ZBTB43: variants seen among roughly 807,000 people sequenced by gnomAD.
ZBTB43 encodes the protein zinc finger and BTB domain-containing protein 43.
Under a neutral mutation model 31.1 loss-of-function variants are expected in ZBTB43, and 6 were observed. That is an observed-to-expected ratio of 0.19 (90% CI 0.11 to 0.38). ZBTB43 has a LOEUF of 0.38. Ranked by LOEUF, ZBTB43 falls within the 10% of genes least tolerant of loss-of-function variation. ZBTB43 has a pLI of 1.00. For missense variants in ZBTB43, 379 were observed against 602.1 expected, an observed-to-expected ratio of 0.63 and a Z score of 3.88; for synonymous variants, 212 against 221.7, an observed-to-expected ratio of 0.96 and a Z score of 0.39.
intron 2 of ZBTB43, among the ~76,000 whole-genome samples, chr9:126,823,883 C>T (rs1277258926): frequency 6.6e-6 from 1 of 152,156 alleles, no homozygotes; most frequent in Non-Finnish European, 1.5e-5. Flanking sequence ...TCTCCTGTCC[C>T]TTCACCTTCA....
At chr9:126,829,554 A>G (rs1305480710) in intron 2 of ZBTB43, among the ~76,000 whole-genome samples, 2 of 152,178 alleles carry the variant, frequency 1.3e-5, no homozygotes, top group Non-Finnish European at 2.9e-5. Flanking sequence ...AAATGTAGGT[A>G]ATGAACCCAG....
chr9:126,817,387 A>G (rs1012127594), intron 2 of ZBTB43, among the ~76,000 whole-genome samples: 1 of 151,938 alleles, frequency 6.6e-6, no homozygotes, highest in African/African-American at 2.4e-5. Flanking sequence ...CTGGGATTAC[A>G]GGCATGAGCC....
chr9:126,809,391 C>T (rs1238326706), intron 2 of ZBTB43, among the ~76,000 whole-genome samples: 1 of 152,092 alleles, frequency 6.6e-6, no homozygotes, highest in African/African-American at 2.4e-5. Context: ...TACATTTGTG[C>T]CAGGCTTTAA....
At chr9:126,825,082 C>T (rs917495290) in intron 2 of ZBTB43, among the ~76,000 whole-genome samples, 1 of 151,898 alleles carries the variant, frequency 6.6e-6, no homozygotes, top group Admixed American at 6.6e-5. Context: ...ATAGCTGGGA[C>T]TATAGATGCA....
At chr9:126,804,410 G>A (rs1417557168), upstream of ZBTB43, among the ~76,000 whole-genome samples, 1 of 152,226 alleles carries the variant, frequency 6.6e-6, no homozygotes, top group African/African-American at 2.4e-5. Context: ...ATCTCCGCCA[G>A]GCATACTGAG....
At position 126,828,654 on chromosome 9, in the gene ZBTB43, A is replaced by AATTATTATT. The variant is rs59664603; in HGVS notation, c.-23-3817_-23-3809dup. Among the ~76,000 whole-genome samples the AATTATTATT allele has an allele frequency of 2.6e-4, 33 of 127,726 alleles. 2 individuals are homozygous for AATTATTATT. The highest frequency in any genetic ancestry group is 3.1e-4 in the African/African-American group (10 of 31,904). The allele number at this position is 127,726 out of a possible 152,430, so 83.8% of individuals were successfully genotyped here. A position where few individuals can be genotyped will look rare whatever the true frequency, so the allele number is the denominator to read the frequency against. On this transcript the variant is annotated intron_variant, in intron 2 of 2. Transcript: ENST00000373464. The stretch of plus-strand genomic sequence containing the variant: ...AAATAATAATAATAATAATAATAAT[A>AATTATTATT]ATTATTATTATTATTATTATTATTT...
Position 126,835,537 on chromosome 9 carries a change from C to CT in ZBTB43, c.*1625dup, listed in dbSNP as rs2032860709. ...TAATAGACATTGCTGGCAATGGCCTCTGATTCTCAAGCTCCTAACACCAGG... is the reference window on the plus strand; with the variant it reads ...TAATAGACATTGCTGGCAATGGCCTCTTGATTCTCAAGCTCCTAACACCAGG... On this transcript the variant is annotated 3_prime_UTR_variant, in exon 3 of 3. Coordinates refer to ENST00000373464, the MANE Select transcript of ZBTB43 (RefSeq NM_014007.4). 1 of 166,974 alleles carries CT rather than the reference C, an allele frequency of 6.0e-6. No individual in the cohort carries two copies. The highest frequency in any genetic ancestry group is 1.5e-5 in the Non-Finnish European group (1 of 68,116). The allele number at this position is 166,974 out of a possible 1,614,324, so 10.3% of individuals were successfully genotyped here.
intron 2 of ZBTB43, among the ~76,000 whole-genome samples, chr9:126,811,712 G>A (rs569379488): frequency 2.6e-4 from 39 of 152,138 alleles, no homozygotes; most frequent in Admixed American, 5.2e-4. Context: ...TGCAGCCTCC[G>A]CCTCCTGGGT....
At position 126,835,418 on chromosome 9, in the gene ZBTB43, C is replaced by T; in HGVS notation, c.*1505C>T. ...TTCCACAATCGTACTGGGTTATTTA[C>T]TTCTAAATAGAAACTTTTTTTTCTT... On this transcript the variant is annotated 3_prime_UTR_variant, in exon 3 of 3. Transcript: ENST00000373464. 6.0e-6 allele frequency: 1 copy of T among 166,956 alleles called. No homozygotes were observed. The allele number at this position is 166,956 out of a possible 1,614,324, so 10.3% of individuals were successfully genotyped here.
At chr9:126,810,069 T>C (rs950311182) in intron 2 of ZBTB43, among the ~76,000 whole-genome samples, 1 of 152,132 alleles carries the variant, frequency 6.6e-6, no homozygotes, top group Non-Finnish European at 1.5e-5. Flanking sequence ...ACTCCTGACC[T>C]TGTGATCCAC....
At chr9:126,816,939 A>C (rs148430246) in intron 2 of ZBTB43, among the ~76,000 whole-genome samples, 1 of 151,752 alleles carries the variant, frequency 6.6e-6, no homozygotes, top group African/African-American at 2.4e-5. Context: ...AATACCACCC[A>C]CCTCTGAGTT....
rs1564201122 is a variant in ZBTB43 at position 126,815,329 on chromosome 9, ACTATATATATAGTTTTCAATATAT to A, written c.-24+6415_-24+6438del. ...ATATATATAGTTTTCAATATATAAA[ACTATATATATAGTTTTCAATATAT>A]AAAAATATATATATATATATAGTTT... is the stretch of plus-strand genomic sequence containing the variant. On this transcript the variant is annotated intron_variant, in intron 2 of 2. Coordinates refer to ENST00000373464, the MANE Select transcript of ZBTB43 (RefSeq NM_014007.4). 2.7e-3 allele frequency among the ~76,000 whole-genome samples: 386 copies of A among 143,774 alleles called. 6 individuals carry two copies. Among genetic ancestry groups the A allele is most frequent in the African/African-American group, 9.0e-3 (358 of 39,596 alleles). 94.3% of individuals were successfully genotyped at this position (143,774 alleles called of 152,430 possible).
chr9:126,813,498 G>A (rs2119118687), intron 2 of ZBTB43, among the ~76,000 whole-genome samples: 1 of 152,206 alleles, frequency 6.6e-6, no homozygotes, highest in Middle Eastern at 3.4e-3. Flanking sequence ...CTCATAGAAG[G>A]AAGCACAAGT....
chr9:126,826,488 G>T (rs1311045337), intron 2 of ZBTB43, among the ~76,000 whole-genome samples: 1 of 71,486 alleles, frequency 1.4e-5, no homozygotes, highest in African/African-American at 4.9e-5. Context: ...TTTTGAGACA[G>T]AATCTCGTAT....
chr9:126,827,847 A>T (rs1428327989), intron 2 of ZBTB43, among the ~76,000 whole-genome samples: 1 of 152,000 alleles, frequency 6.6e-6, no homozygotes, highest in African/African-American at 2.4e-5. Context: ...ATCTACACTA[A>T]ACAAAAAAAT....
chr9:126,822,315 A>T (rs1272224064), intron 2 of ZBTB43, among the ~76,000 whole-genome samples: 2 of 152,180 alleles, frequency 1.3e-5, no homozygotes, highest in African/African-American at 4.8e-5. Context: ...CATCAGCAGG[A>T]TTTAAAAAGA....
At position 126,832,557 on chromosome 9, in the gene ZBTB43, C is replaced by A; in HGVS notation, c.48C>A (p.Ser16=). ...NSFRVEFPDF[S]STILQKLNQQ... Reference sequence around the variant, plus strand: ...TTCGGGTAGAATTTCCTGATTTTTCCAGCACCATTCTACAGAAACTGAACC... The same window carrying A: ...TTCGGGTAGAATTTCCTGATTTTTCAAGCACCATTCTACAGAAACTGAACC... Residue 16 remains serine (S), a synonymous_variant, in exon 3 of 3, where the codon TCC becomes TCA. Coordinates refer to ENST00000373464, the MANE Select transcript of ZBTB43 (RefSeq NM_014007.4). 2 of 1,611,856 alleles carry A rather than the reference C, an allele frequency of 1.2e-6. No homozygotes were observed. Among genetic ancestry groups the A allele is most frequent in the South Asian group, 1.1e-5 (1 of 91,028 alleles).
chr9:126,829,254 G>A (rs1045097280), intron 2 of ZBTB43, among the ~76,000 whole-genome samples: 1 of 152,144 alleles, frequency 6.6e-6, no homozygotes, highest in Admixed American at 6.5e-5. Flanking sequence ...AGAGTTCAAG[G>A]CTATGTCAAA....
chr9:126,814,618 A>G (rs2032333907), intron 2 of ZBTB43, among the ~76,000 whole-genome samples: 1 of 151,872 alleles, frequency 6.6e-6, no homozygotes, highest in Admixed American at 6.6e-5. Context: ...ACAGTGAAAC[A>G]CTGTCTCTAC....
Sources: gnomAD v4.1 joint callset for allele counts (sites outside exome capture counted in the v4.1 genomes callset) on GRCh38, gnomAD v4.1.1 for gene constraint, MANE v1.5 for transcripts, NCBI Gene and HGNC (gene_info 2026-07-23, HGNC 2026-07-21) for gene names.